Variants in SPECC1L observed in about 807,000 individuals in gnomAD.
The protein encoded by SPECC1L is sperm antigen with calponin homology and coiled-coil domains 1 like, also known as cytospin-A.
Under a neutral mutation model 116.8 loss-of-function variants are expected in SPECC1L, and 40 were observed. That is an observed-to-expected ratio of 0.34 (90% CI 0.27 to 0.45). The LOEUF is 0.45. SPECC1L is among the 20% of genes least tolerant of loss of function. The probability of loss-of-function intolerance (pLI) is 1.00; values close to 1 mark genes in which losing one functional copy is unlikely to be tolerated. For missense variants in SPECC1L, 1,110 were observed against 1,373.6 expected (o/e 0.81, Z 3.03); for synonymous variants, 504 against 500.6 (o/e 1.01, Z -0.09).
Position 24,275,316 on chromosome 22 carries a change from T to G in SPECC1L, c.-141-1384T>G, listed in dbSNP as rs1340947546. Among the ~76,000 whole-genome samples, 8 of 152,366 alleles carry G rather than the reference T, an allele frequency of 5.3e-5. No homozygotes were observed. The East Asian group carries it at 5.8e-4, about 11-fold the overall frequency. ...TGCCCTTAGGAGCTTTTATTCTAGT[T>G]GCACTTGACCCTGACAGCTGTGAGA... On this transcript the variant is annotated intron_variant, in intron 1 of 16. Transcript: ENST00000314328.
chr22:24,375,583 A>G (rs1001164575), intron 14 of SPECC1L, among the ~76,000 whole-genome samples: 5 of 152,260 alleles, frequency 3.3e-5, no homozygotes, highest in African/African-American at 9.6e-5. Context: ...AGCATTTGGT[A>G]AAATCCAGCA....
intron 16 of SPECC1L, 51 bp from the exon 17 acceptor site, chr22:24,414,483 C>A: frequency 6.5e-7 from 1 of 1,529,746 alleles, no homozygotes; most frequent in Non-Finnish European, 9.0e-7. Context: ...CCCATTGGCA[C>A]AGCCTGGAGG....
chr22:24,326,040 G>GC (rs968493027), intron 6 of SPECC1L, among the ~76,000 whole-genome samples: 1 of 151,970 alleles, frequency 6.6e-6, no homozygotes, highest in Non-Finnish European at 1.5e-5. Flanking sequence ...TGCAACCTCT[G>GC]CCCCCCGGGT....
chr22:24,280,138 G>A (rs577812969), intron 2 of SPECC1L, among the ~76,000 whole-genome samples: 1 of 152,270 alleles, frequency 6.6e-6, no homozygotes, highest in Non-Finnish European at 1.5e-5. Flanking sequence ...GTGCTAGCCT[G>A]CCAACCTGCT....
rs9624460 is a variant in SPECC1L at position 24,336,537 on chromosome 22, G to A, written c.2561-1849G>A. On this transcript the variant is annotated intron_variant, in intron 9 of 16. Transcript: ENST00000314328. ...CATGCTATCACCACACCTGTTAATAGCCACTGTACTCTAGCCTGGACAACA... is the reference window on the plus strand; with the variant it reads ...CATGCTATCACCACACCTGTTAATAACCACTGTACTCTAGCCTGGACAACA... 7.0e-4 allele frequency among the ~76,000 whole-genome samples: 107 copies of A among 152,062 alleles called. 1 individual carries two copies. The highest frequency in any genetic ancestry group is 2.5e-3 in the African/African-American group (103 of 41,486).
chr22:24,355,464 CACCTACCTACCT>C (rs777867862), intron 11 of SPECC1L, among the ~76,000 whole-genome samples: 1 of 151,782 alleles, frequency 6.6e-6, no homozygotes, highest in Non-Finnish European at 1.5e-5. Context: ...TCCACCCACC[CACCTACCTACCT>C]ACCTACCTAT....
At chr22:24,288,004 G>A (rs1337559825) in intron 2 of SPECC1L, among the ~76,000 whole-genome samples, 3 of 152,146 alleles carry the variant, frequency 2.0e-5, no homozygotes, top group Non-Finnish European at 4.4e-5. Flanking sequence ...ATCAGAGAGA[G>A]CCCTTCCTGG....
At position 24,321,922 on chromosome 22, in the gene SPECC1L, G is replaced by A. The variant is rs373498662; in HGVS notation, c.942G>A (p.Val314=). Residue 314 remains valine (V), a synonymous_variant, in exon 5 of 17, where the codon GTG becomes GTA. Transcript: ENST00000314328. ...SDGGGTLTSS[V]EGSAPGSVED... Reference sequence around the variant, plus strand: ...GAGGAGGAACTCTGACTTCTTCAGTGGAAGGCTCTGCCCCTGGCTCAGTGG... The same window carrying A: ...GAGGAGGAACTCTGACTTCTTCAGTAGAAGGCTCTGCCCCTGGCTCAGTGG... 44 of 1,614,078 alleles carry A rather than the reference G, an allele frequency of 2.7e-5. No individual in the cohort carries two copies. Among genetic ancestry groups the A allele is most frequent in the Non-Finnish European group, 3.6e-5 (42 of 1,180,036 alleles).
In SPECC1L at chr22:24,415,929, A is replaced by C. The variant is rs529975666; in HGVS notation, c.*1306A>C. 6.6e-6 allele frequency: 1 copy of C among 152,328 alleles called. No homozygotes were observed. Among genetic ancestry groups the C allele is most frequent in the Admixed American group, 6.5e-5 (1 of 15,302 alleles). 9.4% of individuals were successfully genotyped at this position (152,328 alleles called of 1,614,324 possible). A position where few individuals can be genotyped will look rare whatever the true frequency, so the allele number is the denominator to read the frequency against. ...CTCCCGTGTGCCTAACGCAGTAGCTATTGGTTTGAACAATGTCCAGACAAG... is the reference window on the plus strand; with the variant it reads ...CTCCCGTGTGCCTAACGCAGTAGCTCTTGGTTTGAACAATGTCCAGACAAG... On this transcript the variant is annotated 3_prime_UTR_variant, in exon 17 of 17. Coordinates refer to ENST00000314328, the MANE Select transcript of SPECC1L (RefSeq NM_015330.6).
chr22:24,298,916 C>T (rs2049320700), intron 2 of SPECC1L, among the ~76,000 whole-genome samples: 2 of 152,218 alleles, frequency 1.3e-5, no homozygotes, highest in African/African-American at 4.8e-5. Context: ...GTCAGATTGA[C>T]ACATAAATTA....
chr22:24,359,207 A>G (rs2041594790), intron 11 of SPECC1L, among the ~76,000 whole-genome samples: 2 of 152,104 alleles, frequency 1.3e-5, no homozygotes, highest in Non-Finnish European at 2.9e-5. Flanking sequence ...CCTTCTCAGC[A>G]CATTCTAATC....
intron 14 of SPECC1L, among the ~76,000 whole-genome samples, chr22:24,409,353 G>A (rs145301954): frequency 1.6e-3 from 238 of 152,262 alleles, no homozygotes; most frequent in African/African-American, 5.3e-3. Context: ...ATGGTGGTGG[G>A]GAGGTGTTCT....
At chr22:24,389,870 G>A (rs556091487) in intron 14 of SPECC1L, among the ~76,000 whole-genome samples, 8 of 152,166 alleles carry the variant, frequency 5.3e-5, no homozygotes, top group South Asian at 2.1e-4. Context: ...ATTAGCACTT[G>A]GTGTTAGTCA....
intron 11 of SPECC1L, among the ~76,000 whole-genome samples, chr22:24,358,225 C>A (rs1004709908): frequency 6.6e-6 from 1 of 151,646 alleles, no homozygotes; most frequent in African/African-American, 2.4e-5. Context: ...AGCTGTCCTC[C>A]CACGTCAGTC....
At chr22:24,309,373 A>C (rs967984584) in intron 3 of SPECC1L, among the ~76,000 whole-genome samples, 1 of 152,186 alleles carries the variant, frequency 6.6e-6, no homozygotes, top group African/African-American at 2.4e-5. Context: ...AATTATCTGT[A>C]CAACTGTGAA....
intron 3 of SPECC1L, among the ~76,000 whole-genome samples, chr22:24,302,858 AC>A (rs1009033452): frequency 6.6e-6 from 1 of 152,132 alleles, no homozygotes; most frequent in African/African-American, 2.4e-5. Flanking sequence ...TGACCCCTAG[AC>A]AGGTGTTTTT....
intron 2 of SPECC1L, among the ~76,000 whole-genome samples, chr22:24,287,934 A>G (rs1324949539): frequency 6.6e-6 from 1 of 152,132 alleles, no homozygotes; most frequent in Non-Finnish European, 1.5e-5. Context: ...GGAAACTACA[A>G]AAAGGAGGTA....
chr22:24,390,862 T>C (rs2042250867), intron 14 of SPECC1L, among the ~76,000 whole-genome samples: 3 of 109,742 alleles, frequency 2.7e-5, no homozygotes, highest in Admixed American at 1.0e-4. Flanking sequence ...CTTTTTTTTT[T>C]TTTTCTTTTC....
intron 3 of SPECC1L, among the ~76,000 whole-genome samples, chr22:24,311,620 C>T (rs545243042): frequency 7.0e-4 from 106 of 152,026 alleles, no homozygotes; most frequent in African/African-American, 2.4e-3. Flanking sequence ...GCCTGGCCAA[C>T]GTGGGAATAC....
Sources: allele counts gnomAD v4.1 joint callset (sites outside exome capture counted in the v4.1 genomes callset), GRCh38; gene constraint gnomAD v4.1.1; transcripts MANE v1.5; gene names NCBI Gene and HGNC (gene_info 2026-07-23, HGNC 2026-07-21).